The following PREX1 variants were observed in gnomAD, a reference collection of about 807,000 sequenced individuals.
The protein encoded by PREX1 is phosphatidylinositol-3,4,5-trisphosphate dependent Rac exchange factor 1, also known as phosphatidylinositol 3,4,5-trisphosphate-dependent Rac exchanger 1 protein.
PREX1 carries 41 observed loss-of-function variants against 198.3 expected under a neutral mutation model. The observed-to-expected ratio is 0.21, with a 90% CI of 0.16 to 0.27. The LOEUF (loss-of-function observed/expected upper bound fraction) is 0.27. PREX1 is among the 10% of genes least tolerant of loss of function. PREX1 has a pLI of 1.00. For missense variants in PREX1, 1,620 were observed against 2,200.7 expected (o/e 0.74, Z 5.28); for synonymous variants, 843 against 887.2 (o/e 0.95, Z 0.89).
At chr20:48,835,781 A>G in the PREX1 span, among the ~76,000 whole-genome samples, 84 of 152,312 alleles carry the variant, frequency 5.5e-4, no homozygotes, top group African/African-American at 2.0e-3. Flanking sequence ...GAGAGCTATG[A>G]CCTAACTTAG....
At chr20:48,775,379 G>A (rs1029976616) in intron 1 of PREX1, among the ~76,000 whole-genome samples, 4 of 152,028 alleles carry the variant, frequency 2.6e-5, no homozygotes, top group Non-Finnish European at 4.4e-5. Flanking sequence ...TCCCTGATAA[G>A]AACACGTCCA....
chr20:48,827,772 G>A lies in PREX1; in HGVS notation c.89C>T (p.Pro30Leu). The change falls in exon 1 of 40, where the codon CCC (proline) becomes CTC (leucine). Residue 30 changes from proline to leucine, a missense_variant. By Grantham distance (98) the Pro-to-Leu change is moderately conservative. Around this residue, in one of 7 missense-constraint regions of PREX1, gnomAD observed 96 missense variants for 98.7 expected, o/e 0.97. Coordinates refer to ENST00000371941, the MANE Select transcript of PREX1 (RefSeq NM_020820.4). This position sits in a 1 kb window ranked among gnomAD's most constrained non-coding sequence, Gnocchi z 4.1. ...CGCGCACGGGCCGGGGCCGGAGCTGGGCGCCGCGGCGCCAGGGGCCCGGGG... is the reference window on the plus strand; with the variant it reads ...CGCGCACGGGCCGGGGCCGGAGCTGAGCGCCGCGGCGCCAGGGGCCCGGGG... ...PDPRAPGAAAPSSGPGPCAAA... is the reference protein window; with the variant it reads ...PDPRAPGAAALSSGPGPCAAA... 1 of 1,159,870 alleles carries A rather than the reference G, an allele frequency of 8.6e-7. No individual in the cohort carries two copies. Among genetic ancestry groups the A allele is most frequent in the Non-Finnish European group, 1.1e-6 (1 of 934,194 alleles). The allele number at this position is 1,159,870 out of a possible 1,614,324, so 71.8% of individuals were successfully genotyped here.
rs926186151 is a variant in PREX1, at chr20:48,666,502, G to A, written c.1666-147C>T. On this transcript the variant is annotated intron_variant, in intron 14 of 39. Coordinates refer to ENST00000371941, the MANE Select transcript of PREX1 (RefSeq NM_020820.4). This position sits in a 1 kb window ranked among gnomAD's most constrained non-coding sequence, Gnocchi z 4.3. The stretch of plus-strand genomic sequence containing the variant: ...TTGTTTACTGCAGTAACCCCAAAAC[G>A]GGTTTGTGATTATTATTTTTTATTA... 1.3e-5 allele frequency: 7 copies of A among 520,182 alleles called. No individual in the cohort carries two copies. The highest frequency in any genetic ancestry group is 3.3e-5 in the East Asian group (1 of 29,952). 32.2% of individuals were successfully genotyped at this position (520,182 alleles called of 1,614,324 possible).
At position 48,644,469 on chromosome 20, in the gene PREX1, G is replaced by C; in HGVS notation, c.3541C>G (p.Leu1181Val). 4 of 1,613,942 alleles carry C rather than the reference G, an allele frequency of 2.5e-6. No homozygotes were observed. The highest frequency in any genetic ancestry group is 3.4e-6 in the Non-Finnish European group (4 of 1,179,882). The change falls in exon 27 of 40, where the codon CTG becomes GTG. Residue 1181 changes from leucine to valine, a missense_variant. This residue lies in a region of PREX1 where 29 missense variants were observed against 26.1 expected (regional missense o/e 1.11). Coordinates refer to ENST00000371941, the MANE Select transcript of PREX1 (RefSeq NM_020820.4). ...SECNSNRDSVLSYTSVRSNSS... is the reference protein window; with the variant it reads ...SECNSNRDSVVSYTSVRSNSS... Reference sequence around the variant, plus strand: ...TTACTTCTCACGCTGGTGTAGGACAGGACCGAGTCTCGATTGCTGTTACAC... The same window carrying C: ...TTACTTCTCACGCTGGTGTAGGACACGACCGAGTCTCGATTGCTGTTACAC...
chr20:48,642,814 T>C, intron 27 of PREX1: 1 of 231,904 alleles, frequency 4.3e-6, no homozygotes, highest in Non-Finnish European at 8.4e-6. Flanking sequence ...ACCCAGCTGG[T>C]TCAGTTACAT....
chr20:48,860,828 T>G, the PREX1 span, among the ~76,000 whole-genome samples: 5 of 141,486 alleles, frequency 3.5e-5, no homozygotes, highest in Non-Finnish European at 7.7e-5. Flanking sequence ...AGTGAGACTC[T>G]GCCTCAAAAA....
chr20:48,706,510 A>T (rs1601088554), intron 6 of PREX1, among the ~76,000 whole-genome samples: 1 of 152,212 alleles, frequency 6.6e-6, no homozygotes, highest in East Asian at 1.9e-4. Context: ...ATGAAAGGGG[A>T]CACCTGTATG....
intron 3 of PREX1, among the ~76,000 whole-genome samples, chr20:48,736,853 C>T (rs2090059116): frequency 6.6e-6 from 1 of 152,176 alleles, no homozygotes; most frequent in Admixed American, 6.5e-5. Flanking sequence ...CTCTCACCAA[C>T]CACTATCAGC....
chr20:48,725,722 A>T (rs1314841805), intron 5 of PREX1, among the ~76,000 whole-genome samples: 1 of 152,194 alleles, frequency 6.6e-6, no homozygotes, highest in Admixed American at 6.5e-5. Flanking sequence ...TTGGTTCAGG[A>T]GTGCAGCACC....
the PREX1 span, among the ~76,000 whole-genome samples, chr20:48,880,459 T>A: frequency 1.3e-5 from 2 of 152,348 alleles, no homozygotes; most frequent in South Asian, 4.1e-4. Context: ...TCTCTTTCTA[T>A]CATCCTGCCT....
At chr20:48,879,882 T>C in the PREX1 span, among the ~76,000 whole-genome samples, 18 of 152,374 alleles carry the variant, frequency 1.2e-4, no homozygotes, top group East Asian at 3.5e-3. Flanking sequence ...TCATTCCTAG[T>C]TGCAATCTGA....
intron 10 of PREX1, among the ~76,000 whole-genome samples, chr20:48,683,683 G>T (rs532756855): frequency 5.3e-5 from 8 of 152,218 alleles, no homozygotes; most frequent in Admixed American, 3.3e-4. Flanking sequence ...CATTATGTTA[G>T]AAGACGAACG....
rs368665525 is a variant in PREX1 at position 48,650,141 on chromosome 20, C to T, written c.2883G>A (p.Pro961=). 131 of 1,613,782 alleles carry T rather than the reference C, an allele frequency of 8.1e-5. No homozygotes were observed. Among genetic ancestry groups the T allele is most frequent in the South Asian group, 1.3e-4 (12 of 91,074 alleles). The part of the protein sequence containing the change: ...PFKQAPLEPH[P]LCGLDFCPTN... Reference sequence around the variant, plus strand: ...TGGGGCAGAAGTCCAGGCCACACAGCGGGTGGGGCTCCAGGGGGGCTTGTT... The same window carrying T: ...TGGGGCAGAAGTCCAGGCCACACAGTGGGTGGGGCTCCAGGGGGGCTTGTT... Residue 961 remains proline (P), a synonymous_variant, in exon 24 of 40, where the codon CCG becomes CCA. Coordinates refer to ENST00000371941, the MANE Select transcript of PREX1 (RefSeq NM_020820.4).
At chr20:48,734,937 G>C (rs1349026310) in intron 3 of PREX1, among the ~76,000 whole-genome samples, 2 of 152,174 alleles carry the variant, frequency 1.3e-5, no homozygotes, top group African/African-American at 4.8e-5. Context: ...TTGCACCACG[G>C]CTCTGTATTT....
Position 48,660,001 on chromosome 20 carries a change from T to G in PREX1, c.1799A>C (p.Glu600Ala), listed in dbSNP as rs751175212. ...SQYFRFHADE[E>A]MEGTSSKNKQ... ...GTTCTTGCTGCTGGTCCCCTCCATC[T>G]CCTCGTCAGCATGAAAGCGGAAGTA... Residue 600 changes from glutamate to alanine, a missense_variant, in exon 16 of 40, where the codon GAG (glutamate) becomes GCG (alanine). Glu to Ala is a moderately radical substitution (Grantham distance 107, BLOSUM62 -1). Around this residue, in one of 7 missense-constraint regions of PREX1, gnomAD observed 488 missense variants for 802.5 expected, o/e 0.61. Coordinates refer to ENST00000371941, the MANE Select transcript of PREX1 (RefSeq NM_020820.4). The G allele has an allele frequency of 6.2e-7, 1 of 1,614,178 alleles. No individual in the cohort carries two copies. The highest frequency in any genetic ancestry group is 1.1e-5 in the South Asian group (1 of 91,084).
At chr20:48,690,878 AG>A (rs1393053831) in intron 9 of PREX1, 68 bp downstream of exon 9, 17 of 1,600,168 alleles carry the variant, frequency 1.1e-5, no homozygotes, top group Non-Finnish European at 1.4e-5. Flanking sequence ...CCCTAGACAC[AG>A]CCCCCACTCA....
At chr20:48,676,525 TTC>T (rs2089710643) in intron 13 of PREX1, among the ~76,000 whole-genome samples, 1 of 152,208 alleles carries the variant, frequency 6.6e-6, no homozygotes, top group African/African-American at 2.4e-5. Flanking sequence ...TCTGGAAACT[TTC>T]TGTCTCTAGC....
the PREX1 span, among the ~76,000 whole-genome samples, chr20:48,833,285 T>G: frequency 2.6e-5 from 4 of 152,120 alleles, no homozygotes; most frequent in East Asian, 5.8e-4. Context: ...TAACTGAAGG[T>G]GCAAAATGAC....
At chr20:48,628,751 C>T (rs957078508) in intron 37 of PREX1, among the ~76,000 whole-genome samples, 1 of 152,224 alleles carries the variant, frequency 6.6e-6, no homozygotes, top group Non-Finnish European at 1.5e-5. Flanking sequence ...CTGCATGGAA[C>T]GTCAATGACC....
Sources: gnomAD v4.1 joint callset for allele counts (sites outside exome capture counted in the v4.1 genomes callset) on GRCh38, gnomAD v4.1.1 for gene constraint, gnomAD v4.1.1 regional missense constraint, Gnocchi (gnomAD v3.1) non-coding constraint, MANE v1.5 for transcripts, NCBI Gene and HGNC (gene_info 2026-07-23, HGNC 2026-07-21) for gene names.